PRIM2: variants seen among roughly 807,000 people sequenced by gnomAD.
PRIM2 encodes the protein DNA primase subunit 2, also known as DNA primase large subunit.
PRIM2 carries 39 observed loss-of-function variants against 67.3 expected under a neutral mutation model. The observed-to-expected ratio is 0.58, with a 90% CI of 0.45 to 0.76. PRIM2 has a LOEUF of 0.76. Ranked by LOEUF, PRIM2 falls within the 30% of genes least tolerant of loss-of-function variation. The pLI is 0.00. For missense variants in PRIM2, 398 were observed against 598.7 expected (o/e 0.66, Z 3.50); for synonymous variants, 143 against 198.7 (o/e 0.72, Z 2.36).
chr6:57,405,909 C>A (rs1398870664), intron 7 of PRIM2, among the ~76,000 whole-genome samples: 2 of 152,236 alleles, frequency 1.3e-5, no homozygotes, highest in African/African-American at 4.8e-5. Context: ...ATCAGTACCA[C>A]CATCATCATC....
the PRIM2 span, among the ~76,000 whole-genome samples, chr6:57,269,071 G>T: frequency 6.6e-6 from 1 of 152,010 alleles, no homozygotes; most frequent in African/African-American, 2.4e-5. Flanking sequence ...CTTCGCTATT[G>T]TGAATAGTGC....
intron 8 of PRIM2, among the ~76,000 whole-genome samples, chr6:57,512,330 A>G (rs1774388537): frequency 6.6e-6 from 1 of 152,172 alleles, no homozygotes; most frequent in African/African-American, 2.4e-5. Flanking sequence ...TGGTAAGATG[A>G]GCATATTTAC....
At chr6:57,235,066 A>G in the PRIM2 span, among the ~76,000 whole-genome samples, 31 of 152,068 alleles carry the variant, frequency 2.0e-4, no homozygotes, top group Non-Finnish European at 4.0e-4. Flanking sequence ...TGGGAGGGTC[A>G]CTTAAGCCCT....
At chr6:57,592,572 A>G (rs1582009219) in intron 10 of PRIM2, among the ~76,000 whole-genome samples, 1 of 152,146 alleles carries the variant, frequency 6.6e-6, no homozygotes, top group African/African-American at 2.4e-5. Flanking sequence ...AGGTGGGTGG[A>G]TCACCTGAGG....
At chr6:57,282,951 A>C in the PRIM2 span, among the ~76,000 whole-genome samples, 1 of 152,158 alleles carries the variant, frequency 6.6e-6, no homozygotes, top group Non-Finnish European at 1.5e-5. Flanking sequence ...ATGTACCAGC[A>C]TTCTCTCAGG....
At chr6:57,534,406 C>A (rs1365999924) in intron 9 of PRIM2, among the ~76,000 whole-genome samples, 2 of 152,146 alleles carry the variant, frequency 1.3e-5, no homozygotes, top group Admixed American at 1.3e-4. Context: ...TCTGCAAGAT[C>A]CAAGTTGATA....
the PRIM2 span, among the ~76,000 whole-genome samples, chr6:57,271,568 C>A: frequency 2.6e-5 from 4 of 151,990 alleles, no homozygotes; most frequent in Non-Finnish European, 5.9e-5. Flanking sequence ...TTGATCTTTT[C>A]AAAAAACCAG....
At chr6:57,480,859 C>G (rs1481175197) in intron 7 of PRIM2, among the ~76,000 whole-genome samples, 4 of 152,192 alleles carry the variant, frequency 2.6e-5, no homozygotes, top group African/African-American at 9.7e-5. Flanking sequence ...ATTTCCTGAC[C>G]TTGTGATCTG....
chr6:57,289,388 A>G, the PRIM2 span, among the ~76,000 whole-genome samples: 1 of 152,204 alleles, frequency 6.6e-6, no homozygotes, highest in Non-Finnish European at 1.5e-5. Context: ...TCTTCAGGAT[A>G]TCATGCAGGA....
At chr6:57,376,384 C>A (rs1355066657) in intron 5 of PRIM2, among the ~76,000 whole-genome samples, 1 of 152,192 alleles carries the variant, frequency 6.6e-6, no homozygotes, top group Admixed American at 6.5e-5. Context: ...TGGTTTCAAA[C>A]CCTGATGACT....
At position 57,610,597 on chromosome 6, in the gene PRIM2, C is replaced by T. The variant is rs1776650250; in HGVS notation, c.1230+4140C>T. On this transcript the variant is annotated intron_variant, in intron 12 of 13. Transcript: ENST00000615550. ...AATATGGCCAAAGAAAATGGGTACC[C>T]CTGCATTTATTCTCCTCTCCTCCCC... 4.0e-5 allele frequency among the ~76,000 whole-genome samples: 6 copies of T among 151,722 alleles called. No individual in the cohort carries two copies. The South Asian group carries it at 8.4e-4, about 21-fold the overall frequency.
chr6:57,350,454 C>T (rs1768824230), intron 5 of PRIM2, among the ~76,000 whole-genome samples: 1 of 152,110 alleles, frequency 6.6e-6, no homozygotes, highest in Non-Finnish European at 1.5e-5. Context: ...ACTGAGAGAA[C>T]TTTGCCTTTG....
chr6:57,423,593 A>ATT (rs1771528721), intron 7 of PRIM2, among the ~76,000 whole-genome samples: 1 of 152,186 alleles, frequency 6.6e-6, no homozygotes, highest in South Asian at 2.1e-4. Context: ...TTGCTAGGTA[A>ATT]TAGGGTTTAT....
chr6:57,310,676 C>T (rs530714670), upstream of PRIM2, among the ~76,000 whole-genome samples: 216 of 145,050 alleles, frequency 1.5e-3, 1 homozygote, highest in Admixed American at 2.6e-3. Flanking sequence ...CCAGACGGGG[C>T]GGCCAGGCAG....
At position 57,606,387 on chromosome 6, in the gene PRIM2, G is replaced by A. The variant is rs1208330351; in HGVS notation, c.1160G>A (p.Arg387His). The A allele has an allele frequency of 1.8e-5, 29 of 1,596,618 alleles. No individual in the cohort carries two copies. The highest frequency in any genetic ancestry group is 1.2e-4 in the Admixed American group (7 of 57,998). The change falls in exon 12 of 14, where the codon CGT becomes CAT. Residue 387 changes from arginine to histidine, a missense_variant. Coordinates refer to ENST00000615550, the MANE Select transcript of PRIM2 (RefSeq NM_000947.5). ...TTTTTGTTGTCAGGGTGCCCATTCCGTCACAGTGATCCAGAGCTGCTGAAG... is the reference window on the plus strand; with the variant it reads ...TTTTTGTTGTCAGGGTGCCCATTCCATCACAGTGATCCAGAGCTGCTGAAG... Reference protein sequence around the residue: ...SQGDYHGCPFRHSDPELLKQK... With the variant: ...SQGDYHGCPFHHSDPELLKQK...
intron 12 of PRIM2, among the ~76,000 whole-genome samples, chr6:57,609,599 G>A (rs1776628578): frequency 6.6e-6 from 1 of 152,078 alleles, no homozygotes; most frequent in Non-Finnish European, 1.5e-5. Flanking sequence ...TATACTCTTT[G>A]CTTTTGACTC....
intron 7 of PRIM2, among the ~76,000 whole-genome samples, chr6:57,482,340 A>G (rs1773649610): frequency 6.6e-6 from 1 of 152,192 alleles, no homozygotes. Context: ...ACGATAATTT[A>G]TATTTTTCTT....
At chr6:57,406,106 T>C (rs1471849016) in intron 7 of PRIM2, among the ~76,000 whole-genome samples, 1 of 152,220 alleles carries the variant, frequency 6.6e-6, no homozygotes, top group African/African-American at 2.4e-5. Flanking sequence ...AGGTCTGAGC[T>C]GGATTTTGCA....
At chr6:57,597,731 G>A (rs1401888042) in intron 10 of PRIM2, among the ~76,000 whole-genome samples, 2 of 152,078 alleles carry the variant, frequency 1.3e-5, no homozygotes, top group African/African-American at 4.8e-5. Context: ...CTCTGTGTGT[G>A]TTGCTCTTAG....
Sources: allele counts gnomAD v4.1 joint callset (sites outside exome capture counted in the v4.1 genomes callset), GRCh38; gene constraint gnomAD v4.1.1; transcripts MANE v1.5; gene names NCBI Gene and HGNC (gene_info 2026-07-23, HGNC 2026-07-21).